PITPNC1: variants seen among roughly 807,000 people sequenced by gnomAD.
PITPNC1 encodes cytoplasmic phosphatidylinositol transfer protein 1.
A neutral mutation model predicts 44.7 loss-of-function variants in PITPNC1; 18 were observed. The ratio of observed to expected loss-of-function variants is 0.40; its 90% CI spans 0.28 to 0.60. The LOEUF (loss-of-function observed/expected upper bound fraction) is 0.60, where lower values mean the gene tolerates loss of function less well. Among genes scored for constraint, PITPNC1 ranks in the 20% least tolerant of loss-of-function variants. PITPNC1 has a pLI of 0.39. For missense variants in PITPNC1, 290 were observed against 418.4 expected (o/e 0.69, Z 2.68); for synonymous variants, 141 against 149.6 (o/e 0.94, Z 0.42).
chr17:67,423,495 T>A (rs1378951607), intron 1 of PITPNC1, among the ~76,000 whole-genome samples: 1 of 152,146 alleles, frequency 6.6e-6, no homozygotes, highest in Non-Finnish European at 1.5e-5. Flanking sequence ...TATTTTCAAA[T>A]CTGATTACTA....
chr17:67,665,845 C>CTT (rs11290420), intron 6 of PITPNC1, among the ~76,000 whole-genome samples: 1 of 135,738 alleles, frequency 7.4e-6, no homozygotes, highest in Non-Finnish European at 1.6e-5. Context: ...CACTGAAGTA[C>CTT]TTTTTTTTTT....
chr17:67,384,583 G>C (rs908526953), intron 1 of PITPNC1, among the ~76,000 whole-genome samples: 1 of 152,146 alleles, frequency 6.6e-6, no homozygotes, highest in Non-Finnish European at 1.5e-5. Context: ...CCGCCACTGC[G>C]CCCAGCTGAT....
At chr17:67,502,470 G>A (rs1329395428) in intron 1 of PITPNC1, among the ~76,000 whole-genome samples, 1 of 152,096 alleles carries the variant, frequency 6.6e-6, no homozygotes, top group Non-Finnish European at 1.5e-5. Context: ...AAGATTTAAG[G>A]AACGGGTTGG....
intron 2 of PITPNC1, among the ~76,000 whole-genome samples, chr17:67,541,715 T>A (rs548288844): frequency 6.6e-6 from 1 of 152,292 alleles, no homozygotes; most frequent in South Asian, 2.1e-4. Flanking sequence ...AAAGAATGAC[T>A]GAAGAAACCA....
chr17:67,416,203 C>CTTTTTTTTTTTTTTTTT (rs71687631), intron 1 of PITPNC1, among the ~76,000 whole-genome samples: 2 of 67,614 alleles, frequency 3.0e-5, no homozygotes, highest in East Asian at 4.6e-4. Flanking sequence ...ACATGTATTG[C>CTTTTTTTTTTTTTTTTT]TTTTTTTTTT....
chr17:67,661,802 G>A (rs1354328118), intron 6 of PITPNC1, among the ~76,000 whole-genome samples: 1 of 152,164 alleles, frequency 6.6e-6, no homozygotes, highest in Non-Finnish European at 1.5e-5. Context: ...TTCGAGACCA[G>A]CCTGGCCAAC....
chr17:67,561,608 C>A (rs2040908321), intron 4 of PITPNC1, among the ~76,000 whole-genome samples: 1 of 152,142 alleles, frequency 6.6e-6, no homozygotes, highest in Admixed American at 6.5e-5. Flanking sequence ...ATCGATTCTA[C>A]TTTCTTAAGT....
intron 6 of PITPNC1, among the ~76,000 whole-genome samples, chr17:67,666,241 C>T (rs1372010412): frequency 6.6e-6 from 1 of 152,244 alleles, no homozygotes; most frequent in Non-Finnish European, 1.5e-5. Flanking sequence ...AGCAATCCTC[C>T]TGCCTTGGCC....
In PITPNC1 at chr17:67,534,193, C is replaced by A. The variant is rs1230434781; in HGVS notation, c.197+1243C>A. Among the ~76,000 whole-genome samples the A allele has an allele frequency of 2.6e-5, 4 of 152,208 alleles. No homozygotes were observed. The East Asian group carries it at 5.8e-4, about 22-fold the overall frequency. ...TACGGGCATGAGCCACCACACCCGG[C>A]CTTTCTTGCTATTTTCTTACTATGA... On this transcript the variant is annotated intron_variant, in intron 2 of 8. Transcript: ENST00000581322.
At chr17:67,474,985 T>C (rs2039605744) in intron 1 of PITPNC1, among the ~76,000 whole-genome samples, 1 of 152,194 alleles carries the variant, frequency 6.6e-6, no homozygotes, top group South Asian at 2.1e-4. Context: ...TTTGAAAGAC[T>C]AAGATGATGG....
chr17:67,451,181 G>A lies in PITPNC1; in HGVS notation c.48+72979G>A, dbSNP rs909429058. Among the ~76,000 whole-genome samples, 9 of 151,774 alleles carry A rather than the reference G, an allele frequency of 5.9e-5. No homozygotes were observed. The South Asian group carries it at 6.2e-4, about 11-fold the overall frequency. ...TGAGTAGCTGGGACTACACGCGCGCGCCATCACACCCAGCTAATATTTGTA... is the reference window on the plus strand; with the variant it reads ...TGAGTAGCTGGGACTACACGCGCGCACCATCACACCCAGCTAATATTTGTA... On this transcript the variant is annotated intron_variant, in intron 1 of 8. Transcript: ENST00000581322.
At chr17:67,646,429 T>C (rs990205189) in intron 6 of PITPNC1, among the ~76,000 whole-genome samples, 2 of 152,238 alleles carry the variant, frequency 1.3e-5, no homozygotes, top group African/African-American at 4.8e-5. Flanking sequence ...GAAAGACTTA[T>C]AATTACTAGC....
At chr17:67,578,284 G>A (rs749939572) in intron 5 of PITPNC1, 27 bp downstream of exon 5, 42 of 1,514,670 alleles carry the variant, frequency 2.8e-5, no homozygotes, top group South Asian at 2.0e-4. Flanking sequence ...TCCATGCTGC[G>A]CTCGCCTCGT....
chr17:67,452,835 C>A (rs1282371641), intron 1 of PITPNC1, among the ~76,000 whole-genome samples: 1 of 152,154 alleles, frequency 6.6e-6, no homozygotes, highest in African/African-American at 2.4e-5. Flanking sequence ...AATTGCCAGG[C>A]TGTTTTCCAA....
At chr17:67,388,850 C>A (rs1455253554) in intron 1 of PITPNC1, among the ~76,000 whole-genome samples, 1 of 152,214 alleles carries the variant, frequency 6.6e-6, no homozygotes, top group Non-Finnish European at 1.5e-5. Flanking sequence ...GAACTCCTGA[C>A]CTCCGGTGAT....
intron 4 of PITPNC1, among the ~76,000 whole-genome samples, chr17:67,559,596 G>T (rs942549083): frequency 3.9e-5 from 6 of 152,172 alleles, no homozygotes; most frequent in African/African-American, 1.4e-4. Context: ...GTGGAGAAGA[G>T]GACAGTAAGG....
chr17:67,564,161 G>GTGGA (rs113903369), intron 4 of PITPNC1, among the ~76,000 whole-genome samples: 10,902 of 148,486 alleles, frequency 0.073, 719 homozygotes, highest in African/African-American at 0.16. Flanking sequence ...GGTAGATTGG[G>GTGGA]TGGATGGATG....
intron 8 of PITPNC1, among the ~76,000 whole-genome samples, chr17:67,682,592 G>A (rs940013682): frequency 4.6e-5 from 7 of 152,190 alleles, no homozygotes; most frequent in Non-Finnish European, 1.0e-4. Flanking sequence ...ACAGTGAGCA[G>A]GGCATGTGTG....
intron 1 of PITPNC1, among the ~76,000 whole-genome samples, chr17:67,394,727 G>A (rs369206189): frequency 4.6e-5 from 7 of 151,922 alleles, no homozygotes; most frequent in South Asian, 2.1e-4. Context: ...ACCCCGTCTC[G>A]ACTAAAAATA....
Sources: allele counts gnomAD v4.1 joint callset (sites outside exome capture counted in the v4.1 genomes callset), GRCh38; gene constraint gnomAD v4.1.1; transcripts MANE v1.5; gene names NCBI Gene and HGNC (gene_info 2026-07-23, HGNC 2026-07-21).